Variants in MICAL3 observed in about 807,000 individuals in gnomAD.
The protein encoded by MICAL3 is [F-actin]-monooxygenase MICAL3.
MICAL3 carries 62 observed loss-of-function variants against 207.4 expected under a neutral mutation model. The ratio of observed to expected loss-of-function variants is 0.30; its 90% CI spans 0.24 to 0.37. The LOEUF (loss-of-function observed/expected upper bound fraction) is 0.37, where lower values mean the gene tolerates loss of function less well. Among genes scored for constraint, MICAL3 ranks in the 10% least tolerant of loss-of-function variants. The probability of loss-of-function intolerance (pLI) is 1.00; values close to 1 mark genes in which losing one functional copy is unlikely to be tolerated. For synonymous variants in MICAL3, 1,077 were observed against 1,069.3 expected, an observed-to-expected ratio of 1.01 and a Z score of -0.14; for missense variants, 2,368 against 2,635.6, an observed-to-expected ratio of 0.90 and a Z score of 2.22.
chr22:17,978,854 A>C (rs1935774151), intron 1 of MICAL3, among the ~76,000 whole-genome samples: 1 of 148,926 alleles, frequency 6.7e-6, no homozygotes, highest in Non-Finnish European at 1.5e-5. Flanking sequence ...ATGGTATGTG[A>C]ATTATATAAT....
chr22:17,814,782 T>C lies in MICAL3; in HGVS notation c.5445+1908A>G, dbSNP rs188509530. 9 of 152,004 alleles carry C rather than the reference T, an allele frequency of 5.9e-5. No homozygotes were observed. The East Asian group carries it at 1.7e-3, about 29-fold the overall frequency. The allele number at this position is 152,004 out of a possible 1,614,324, so 9.4% of individuals were successfully genotyped here. A position where few individuals can be genotyped will look rare whatever the true frequency, so the allele number is the denominator to read the frequency against. The stretch of plus-strand genomic sequence containing the variant: ...TCCCCTAGCTTGGCCATCCCATAGG[T>C]CATCCATCCCCTAGCTCGACTGTCC... On this transcript the variant is annotated intron_variant, in intron 27 of 31. Transcript: ENST00000441493.
At chr22:17,908,207 G>C (rs948747050) in intron 1 of MICAL3, among the ~76,000 whole-genome samples, 1 of 152,202 alleles carries the variant, frequency 6.6e-6, no homozygotes, top group African/African-American at 2.4e-5. Context: ...CCAGACCCCA[G>C]CTGCACGACC....
At chr22:17,982,873 C>T (rs1935989333) in intron 1 of MICAL3, among the ~76,000 whole-genome samples, 1 of 152,168 alleles carries the variant, frequency 6.6e-6, no homozygotes, top group Non-Finnish European at 1.5e-5. Context: ...CATTTTAAAT[C>T]CTTCAACAGT....
intron 1 of MICAL3, among the ~76,000 whole-genome samples, chr22:17,976,767 G>T (rs553133737): frequency 6.7e-6 from 1 of 149,276 alleles, no homozygotes; most frequent in Admixed American, 6.7e-5. Flanking sequence ...GAGTATTAAA[G>T]GTTATGGGAC....
intron 1 of MICAL3, among the ~76,000 whole-genome samples, chr22:17,989,113 G>A (rs1367335444): frequency 6.6e-6 from 1 of 152,144 alleles, no homozygotes; most frequent in Non-Finnish European, 1.5e-5. Flanking sequence ...ACCCCCGGCA[G>A]GTTCCCCGAT....
chr22:17,989,339 C>T lies in MICAL3; in HGVS notation c.-75+34942G>A, dbSNP rs377239275. On this transcript the variant is annotated intron_variant, in intron 1 of 31. Coordinates refer to ENST00000441493, the MANE Select transcript of MICAL3 (RefSeq NM_015241.3). ...TCCCTGTGCTCTGCTCCCACAGCTC[C>T]CTATACTTACCCTCATCATAGCTCT... Among the ~76,000 whole-genome samples, 66 of 152,288 alleles carry T rather than the reference C, an allele frequency of 4.3e-4. 1 individual carries two copies. In the South Asian group the frequency reaches 0.014, roughly 32 times the overall value.
intron 1 of MICAL3, chr22:18,006,314 G>A (rs920291071): frequency 1.3e-5 from 2 of 152,146 alleles, no homozygotes; most frequent in East Asian, 1.9e-4. Flanking sequence ...TCCCATCTAC[G>A]GCGAAATGTA....
chr22:17,820,645 C>T (rs1316577091), intron 25 of MICAL3, among the ~76,000 whole-genome samples: 1 of 152,076 alleles, frequency 6.6e-6, no homozygotes, highest in Admixed American at 6.5e-5. Flanking sequence ...TGAGCCACCG[C>T]GCCTGGCCAG....
intron 19 of MICAL3, chr22:17,860,670 G>A (rs370198070): frequency 1.3e-5 from 13 of 985,334 alleles, no homozygotes; most frequent in African/African-American, 1.7e-5. Flanking sequence ...CATGTGAGGC[G>A]GGTGCCCGGC....
At chr22:17,989,172 A>C (rs1211126778) in intron 1 of MICAL3, among the ~76,000 whole-genome samples, 1 of 152,130 alleles carries the variant, frequency 6.6e-6, no homozygotes, top group African/African-American at 2.4e-5. Flanking sequence ...CCAGGAGAAT[A>C]AACAAGAAAG....
intron 1 of MICAL3, among the ~76,000 whole-genome samples, chr22:18,001,736 C>A (rs1923036128): frequency 6.6e-6 from 1 of 152,238 alleles, no homozygotes; most frequent in Non-Finnish European, 1.5e-5. Context: ...TCCTCTCCGT[C>A]CCCCTGCAGG....
At chr22:17,868,102 T>C (rs1927333423) in intron 17 of MICAL3, among the ~76,000 whole-genome samples, 1 of 152,194 alleles carries the variant, frequency 6.6e-6, no homozygotes, top group African/African-American at 2.4e-5. Context: ...ATGCGAGCAA[T>C]GTGAGCGCTA....
chr22:17,895,338 G>T lies in MICAL3; in HGVS notation c.1395C>A (p.Ile465=). Residue 465 remains isoleucine (I), a synonymous_variant, in exon 10 of 32, where the codon ATC becomes ATA. Transcript: ENST00000441493. ...NVSKNFSQYS[I]DPVTRYPNIN... ...TATTGGGATACCGAGTGACAGGGTC[G>T]ATACTGTACTGGCTGAAGTTCTTAC... The T allele has an allele frequency of 1.2e-6, 2 of 1,613,704 alleles. No homozygotes were observed. The highest frequency in any genetic ancestry group is 1.7e-6 in the Non-Finnish European group (2 of 1,179,760).
At chr22:17,861,919 G>A (rs1022965475) in intron 19 of MICAL3, 9 of 985,348 alleles carry the variant, frequency 9.1e-6, no homozygotes, top group Non-Finnish European at 1.1e-5. Context: ...GTAATTGGGT[G>A]TGGGTGTGTT....
Position 17,790,586 on chromosome 22 carries a change from C to G in MICAL3, c.*146G>C, listed in dbSNP as rs1217184522. 1.4e-6 allele frequency: 1 copy of G among 737,126 alleles called. No homozygotes were observed. The highest frequency in any genetic ancestry group is 1.8e-5 in the African/African-American group (1 of 56,484). 45.7% of individuals were successfully genotyped at this position (737,126 alleles called of 1,614,324 possible). On this transcript the variant is annotated 3_prime_UTR_variant, in exon 32 of 32. Transcript: ENST00000441493. The stretch of plus-strand genomic sequence containing the variant: ...CTGGGGCTCCCCACTGCACGCGGGA[C>G]TCGACCACTTTCCAAGCAGCACACG...
rs1038541821 is a variant in MICAL3 at position 17,971,698 on chromosome 22, G to A, written c.-75+52583C>T. Among the ~76,000 whole-genome samples the A allele has an allele frequency of 1.3e-4, 20 of 152,272 alleles. No homozygotes were observed. The East Asian group carries it at 1.9e-3, about 15-fold the overall frequency. On this transcript the variant is annotated intron_variant, in intron 1 of 31. Coordinates refer to ENST00000441493, the MANE Select transcript of MICAL3 (RefSeq NM_015241.3). ...TGGACACAGCCATCGGTGTAAAAAC[G>A]TCAATATATAGATACATCCATACTT... is the stretch of plus-strand genomic sequence containing the variant.
intron 16 of MICAL3, chr22:17,876,833 G>A (rs1329985532): frequency 1.0e-3 from 134 of 128,832 alleles, no homozygotes; most frequent in African/African-American, 1.7e-3. Context: ...AGGTTATGGA[G>A]GTTAGGGAGG....
chr22:17,896,284 C>A lies in MICAL3; in HGVS notation c.1284G>T (p.Trp428Cys), dbSNP rs1224202319. Residue 428 changes from tryptophan to cysteine, a missense_variant, in exon 9 of 32, where the codon TGG becomes TGT. Physicochemically the swap from Trp to Cys is radical, Grantham distance 215. Around this residue, in one of 4 missense-constraint regions of MICAL3, gnomAD observed 147 missense variants for 137.7 expected, o/e 1.07. Coordinates refer to ENST00000441493, the MANE Select transcript of MICAL3 (RefSeq NM_015241.3). ...AMDSAWMVRSWSLGTSPLEVL... is the reference protein window; with the variant it reads ...AMDSAWMVRSCSLGTSPLEVL... Reference sequence around the variant, plus strand: ...CTTCCAAAGGGCTCGTTCCTAGAGACCAACTTCGGACCATCCAGGCAGAGT... The same window carrying A: ...CTTCCAAAGGGCTCGTTCCTAGAGAACAACTTCGGACCATCCAGGCAGAGT... 3 of 1,559,692 alleles carry A rather than the reference C, an allele frequency of 1.9e-6. No homozygotes were observed. Among genetic ancestry groups the A allele is most frequent in the Non-Finnish European group, 2.6e-6 (3 of 1,151,446 alleles).
chr22:17,904,036 C>A (rs1354759731), intron 3 of MICAL3, among the ~76,000 whole-genome samples: 2 of 152,222 alleles, frequency 1.3e-5, no homozygotes, highest in African/African-American at 4.8e-5. Flanking sequence ...AAGGCCCGGG[C>A]TGAGCTTAGA....
Sources: gnomAD v4.1 joint callset for allele counts (sites outside exome capture counted in the v4.1 genomes callset) on GRCh38, gnomAD v4.1.1 for gene constraint, gnomAD v4.1.1 regional missense constraint, MANE v1.5 for transcripts, NCBI Gene and HGNC (gene_info 2026-07-23, HGNC 2026-07-21) for gene names.